The following ARHGAP24 variants were observed in gnomAD, a reference collection of about 807,000 sequenced individuals.
ARHGAP24 encodes the protein rho GTPase-activating protein 24.
Under a neutral mutation model 76.4 loss-of-function variants are expected in ARHGAP24, and 50 were observed. The ratio of observed to expected loss-of-function variants is 0.65; its 90% CI spans 0.52 to 0.83. ARHGAP24 has a LOEUF of 0.83. ARHGAP24 is among the 40% of genes least tolerant of loss of function. ARHGAP24 has a pLI of 0.00. For missense variants in ARHGAP24, 930 were observed against 914.2 expected, an observed-to-expected ratio of 1.02 and a Z score of -0.22; for synonymous variants, 345 against 323.3, an observed-to-expected ratio of 1.07 and a Z score of -0.72.
intron 1 of ARHGAP24, among the ~76,000 whole-genome samples, chr4:85,566,826 T>C (rs1726869725): frequency 6.6e-6 from 1 of 152,134 alleles, no homozygotes; most frequent in Non-Finnish European, 1.5e-5. Context: ...TAGAAAGAGG[T>C]TACCTGATTC....
chr4:85,746,533 C>G (rs980105781), intron 3 of ARHGAP24, among the ~76,000 whole-genome samples: 4 of 152,132 alleles, frequency 2.6e-5, no homozygotes, highest in Admixed American at 6.5e-5. Context: ...ATGTCATACC[C>G]TAACCTCTAT....
intron 2 of ARHGAP24, among the ~76,000 whole-genome samples, chr4:85,664,302 G>T (rs1192858487): frequency 4.6e-5 from 7 of 150,996 alleles, no homozygotes; most frequent in Non-Finnish European, 1.0e-4. Context: ...TTTGCGTAGA[G>T]GTGTTTGTAG....
At chr4:85,621,494 A>G (rs1409337258) in intron 2 of ARHGAP24, among the ~76,000 whole-genome samples, 1 of 152,082 alleles carries the variant, frequency 6.6e-6, no homozygotes, top group African/African-American at 2.4e-5. Context: ...CATTGTTTTA[A>G]TTAGCATTTC....
At chr4:85,615,570 T>C (rs1720515073) in intron 2 of ARHGAP24, among the ~76,000 whole-genome samples, 1 of 152,186 alleles carries the variant, frequency 6.6e-6, no homozygotes. Context: ...ACTTGAGACA[T>C]GTATGGTAGC....
chr4:85,652,058 A>G (rs1721966162), intron 2 of ARHGAP24, among the ~76,000 whole-genome samples: 1 of 152,202 alleles, frequency 6.6e-6, no homozygotes, highest in African/African-American at 2.4e-5. Context: ...TGCCTACTTC[A>G]ACACACATAT....
intron 2 of ARHGAP24, among the ~76,000 whole-genome samples, chr4:85,653,357 T>C (rs1005666039): frequency 6.6e-6 from 1 of 152,244 alleles, no homozygotes; most frequent in Admixed American, 6.5e-5. Context: ...CATTGTATTA[T>C]GTAGTAGAGA....
At chr4:85,996,314 CTG>C (rs1373177461) in intron 9 of ARHGAP24, among the ~76,000 whole-genome samples, 3 of 152,140 alleles carry the variant, frequency 2.0e-5, no homozygotes, top group East Asian at 3.9e-4. Context: ...ATAAGGAAGA[CTG>C]TAGCCTAAAT....
In ARHGAP24 at chr4:86,001,631, C is replaced by G. The variant is rs145289745; in HGVS notation, c.*909C>G. 5 of 391,000 alleles carry G rather than the reference C, an allele frequency of 1.3e-5. No individual in the cohort carries two copies. The highest frequency in any genetic ancestry group is 8.2e-5 in the African/African-American group (4 of 48,620). 24.2% of individuals were successfully genotyped at this position (391,000 alleles called of 1,614,324 possible). On this transcript the variant is annotated 3_prime_UTR_variant, in exon 10 of 10. Transcript: ENST00000395184. ...GGAAACAATGCTTGCTAAACCATGC[C>G]CACGTGAGCACCTGTCTCCCACTCA... is the stretch of plus-strand genomic sequence containing the variant.
chr4:85,629,252 C>G (rs1472576245), intron 2 of ARHGAP24, among the ~76,000 whole-genome samples: 1 of 152,090 alleles, frequency 6.6e-6, no homozygotes, highest in Non-Finnish European at 1.5e-5. Context: ...TTTAATTTCT[C>G]CTCCCCTCAT....
At position 85,884,650 on chromosome 4, in the gene ARHGAP24, C is replaced by G. The variant is rs576254456; in HGVS notation, c.269-38998C>G. Among the ~76,000 whole-genome samples, 9 of 152,228 alleles carry G rather than the reference C, an allele frequency of 5.9e-5. 1 individual carries two copies. In the South Asian group the frequency reaches 1.9e-3, roughly 32 times the overall value. On this transcript the variant is annotated intron_variant, in intron 3 of 9. Transcript: ENST00000395184. Reference sequence around the variant, plus strand: ...CCCTATCCCACTTCCTACAAACACTCCTGTAATAAAGGAAGATTGAATCGG... The same window carrying G: ...CCCTATCCCACTTCCTACAAACACTGCTGTAATAAAGGAAGATTGAATCGG...
At chr4:85,504,166 T>C (rs866929124) in intron 1 of ARHGAP24, among the ~76,000 whole-genome samples, 9 of 152,220 alleles carry the variant, frequency 5.9e-5, no homozygotes, top group African/African-American at 1.7e-4. Context: ...ATAAGTGCGA[T>C]GTGGTGCTGA....
intron 3 of ARHGAP24, among the ~76,000 whole-genome samples, chr4:85,853,915 C>A (rs1439039124): frequency 1.3e-5 from 2 of 151,874 alleles, no homozygotes; most frequent in East Asian, 3.9e-4. Context: ...GATCGCACCA[C>A]TGCACTCCAG....
chr4:85,570,383 TTTC>T, intron 1 of ARHGAP24, 136 bp from the exon 2 acceptor site: 3 of 16,548 alleles, frequency 1.8e-4, no homozygotes, highest in African/African-American at 4.5e-4. Context: ...TCTTTCTTTC[TTTC>T]TTTCTTTCTT....
intron 1 of ARHGAP24, among the ~76,000 whole-genome samples, chr4:85,494,935 A>G (rs1723501046): frequency 6.6e-6 from 1 of 151,712 alleles, no homozygotes; most frequent in South Asian, 2.1e-4. Flanking sequence ...CGTCTCTAAT[A>G]AAAATACAAG....
At chr4:85,935,057 A>G (rs1488717664) in intron 4 of ARHGAP24, among the ~76,000 whole-genome samples, 1 of 152,226 alleles carries the variant, frequency 6.6e-6, no homozygotes, top group Non-Finnish European at 1.5e-5. Context: ...TAGGCAATAG[A>G]ATGTCTTTAC....
At chr4:85,478,108 G>C (rs777950994) in intron 1 of ARHGAP24, among the ~76,000 whole-genome samples, 3 of 152,150 alleles carry the variant, frequency 2.0e-5, no homozygotes, top group Non-Finnish European at 4.4e-5. Context: ...ATGTGGGTGT[G>C]GAGGAGGTTG....
At chr4:85,824,392 A>G (rs534136091) in intron 3 of ARHGAP24, among the ~76,000 whole-genome samples, 1 of 152,348 alleles carries the variant, frequency 6.6e-6, no homozygotes, top group East Asian at 1.9e-4. Flanking sequence ...AAACAACCCC[A>G]TCCGACTCAT....
At chr4:85,805,891 T>G (rs977195125) in intron 3 of ARHGAP24, among the ~76,000 whole-genome samples, 1 of 152,178 alleles carries the variant, frequency 6.6e-6, no homozygotes, top group Non-Finnish European at 1.5e-5. Context: ...GGATCGTCTC[T>G]CTAGAAGAAT....
At chr4:85,770,065 CAAT>C (rs1411432188) in intron 3 of ARHGAP24, among the ~76,000 whole-genome samples, 1 of 152,144 alleles carries the variant, frequency 6.6e-6, no homozygotes, top group Non-Finnish European at 1.5e-5. Flanking sequence ...TGGGATTGGC[CAAT>C]AGCCCAGCAC....
Sources: gnomAD v4.1 joint callset for allele counts (sites outside exome capture counted in the v4.1 genomes callset) on GRCh38, gnomAD v4.1.1 for gene constraint, MANE v1.5 for transcripts, NCBI Gene and HGNC (gene_info 2026-07-23, HGNC 2026-07-21) for gene names.